The following TGM4 variants were observed in gnomAD, a reference collection of about 807,000 sequenced individuals.
TGM4 encodes protein-glutamine gamma-glutamyltransferase 4.
Under a neutral mutation model 76.3 loss-of-function variants are expected in TGM4, and 61 were observed. The observed-to-expected ratio is 0.80, with a 90% CI of 0.65 to 0.99. The LOEUF is 0.99. TGM4 is among the 50% of genes least tolerant of loss of function. The pLI is 0.00. For synonymous variants in TGM4, 337 were observed against 329.8 expected, an observed-to-expected ratio of 1.02 and a Z score of -0.24; for missense variants, 794 against 843.2, an observed-to-expected ratio of 0.94 and a Z score of 0.72.
chr3:44,911,524 A>G, intron 13 of TGM4, 118 bp downstream of exon 13: 1 of 1,204,352 alleles, frequency 8.3e-7, no homozygotes, highest in Non-Finnish European at 1.1e-6. Context: ...ATGTAGATAC[A>G]TTTTGCTAGT....
intron 2 of TGM4, among the ~76,000 whole-genome samples, chr3:44,886,922 C>T (rs905368137): frequency 2.6e-5 from 4 of 152,332 alleles, no homozygotes; most frequent in South Asian, 2.1e-4. Context: ...CTGACTCTGT[C>T]GGTGCTGACT....
At chr3:44,908,074 G>A (rs1201838911) in intron 10 of TGM4, among the ~76,000 whole-genome samples, 3 of 152,206 alleles carry the variant, frequency 2.0e-5, no homozygotes, top group Non-Finnish European at 4.4e-5. Flanking sequence ...GTTACAAGCA[G>A]GTCAGTTTGG....
chr3:44,892,142 C>A (rs1427412638), intron 4 of TGM4, among the ~76,000 whole-genome samples: 2 of 151,400 alleles, frequency 1.3e-5, no homozygotes, highest in African/African-American at 4.9e-5. Flanking sequence ...CCTGTAATCC[C>A]AGCTACTTGG....
intron 2 of TGM4, among the ~76,000 whole-genome samples, chr3:44,887,005 G>C (rs562647971): frequency 6.6e-6 from 1 of 152,244 alleles, no homozygotes; most frequent in Non-Finnish European, 1.5e-5. Flanking sequence ...GAAGAGCTGA[G>C]AGCAGGGTGT....
intron 1 of TGM4, 126 bp from the exon 2 acceptor site, chr3:44,885,199 C>A: frequency 1.1e-6 from 1 of 928,966 alleles, no homozygotes; most frequent in Non-Finnish European, 1.6e-6. Context: ...GGAGGTGGAG[C>A]AGGGATGCCC....
At chr3:44,878,883 C>T (rs1468799929) in intron 1 of TGM4, among the ~76,000 whole-genome samples, 1 of 152,168 alleles carries the variant, frequency 6.6e-6, no homozygotes, top group Admixed American at 6.5e-5. Flanking sequence ...TTCGCTGCTG[C>T]TCCCCATTCT....
In TGM4 at chr3:44,886,035, T is replaced by C. The variant is rs533650281; in HGVS notation, c.193+537T>C. ...GAGGGTCTTACTTCTTTAATGTTGT[T>C]TTTAAGTTTTAAAAATAGATCAAGT... is the stretch of plus-strand genomic sequence containing the variant. On this transcript the variant is annotated intron_variant, in intron 2 of 13. Transcript: ENST00000296125. Among the ~76,000 whole-genome samples the C allele has an allele frequency of 7.2e-5, 11 of 152,264 alleles. No homozygotes were observed. In the South Asian group the frequency reaches 1.9e-3, roughly 26 times the overall value.
chr3:44,894,431 C>A (rs1575719264), intron 5 of TGM4, among the ~76,000 whole-genome samples: 1 of 124,158 alleles, frequency 8.1e-6, no homozygotes, highest in African/African-American at 3.2e-5. Flanking sequence ...AGTGTATTTA[C>A]CAAAGAACCA....
At chr3:44,902,668 A>G (rs1699871204) in intron 8 of TGM4, among the ~76,000 whole-genome samples, 1 of 152,088 alleles carries the variant, frequency 6.6e-6, no homozygotes, top group South Asian at 2.1e-4. Context: ...TTTTGCCTCT[A>G]CAGGGGAAGG....
At chr3:44,888,107 A>T (rs1699638294) in intron 3 of TGM4, 1 of 305,212 alleles carries the variant, frequency 3.3e-6, no homozygotes, top group African/African-American at 2.1e-5. Context: ...CCACCAACTA[A>T]GTTACCCATC....
chr3:44,891,329 T>A (rs573281142), intron 4 of TGM4, among the ~76,000 whole-genome samples: 2 of 152,026 alleles, frequency 1.3e-5, no homozygotes, highest in African/African-American at 4.8e-5. Flanking sequence ...TCAAAAGCCA[T>A]CAGGTACCCA....
At chr3:44,910,464 T>C in intron 11 of TGM4, 96 bp downstream of exon 11, 4 of 1,431,224 alleles carry the variant, frequency 2.8e-6, no homozygotes, top group Non-Finnish European at 3.8e-6. Flanking sequence ...CATACATTGA[T>C]AAATTTTTGT....
chr3:44,879,172 T>A (rs980888717), intron 1 of TGM4, among the ~76,000 whole-genome samples: 1 of 150,838 alleles, frequency 6.6e-6, no homozygotes, highest in African/African-American at 2.4e-5. Flanking sequence ...AGTGGCTTAT[T>A]CCTTTCTCAT....
At chr3:44,879,297 AT>A (rs1699498620) in intron 1 of TGM4, among the ~76,000 whole-genome samples, 2 of 113,032 alleles carry the variant, frequency 1.8e-5, no homozygotes, top group African/African-American at 6.5e-5. Context: ...AGTTTATTTA[AT>A]TTAATTAATT....
At chr3:44,888,075 T>A (rs1699637690) in intron 3 of TGM4, 2 of 383,430 alleles carry the variant, frequency 5.2e-6, no homozygotes, top group Non-Finnish European at 9.4e-6. Context: ...CGGAGAGAAG[T>A]ACATAAAAAT....
intron 11 of TGM4, 34 bp downstream of exon 11, chr3:44,910,402 G>T (rs1251276103): frequency 1.2e-5 from 19 of 1,601,976 alleles, no homozygotes; most frequent in Non-Finnish European, 1.6e-5. Context: ...GGCCTCAAGT[G>T]GGCTCAGGGT....
Position 44,903,992 on chromosome 3 carries a change from G to A in TGM4, c.1075+5G>A. On this transcript the variant is annotated splice_donor_5th_base_variant and intron_variant, in intron 9 of 13. Transcript: ENST00000296125. ...CGCCGCAGGAGCGAAGCCAGGGTGAGTGGGTGGCAGGAAGGCGCTGGGCAT... is the reference window on the plus strand; with the variant it reads ...CGCCGCAGGAGCGAAGCCAGGGTGAATGGGTGGCAGGAAGGCGCTGGGCAT... 9 of 1,613,278 alleles carry A rather than the reference G, an allele frequency of 5.6e-6. No homozygotes were observed. The highest frequency in any genetic ancestry group is 7.6e-6 in the Non-Finnish European group (9 of 1,179,810).
In TGM4 at chr3:44,896,631, T is replaced by C. The variant is rs536703851; in HGVS notation, c.550-78T>C. ...GTTACGCTACAGGGTGGCTGTGACA[T>C]GCAAATTAGATGGTATGTGTTAAGT... On this transcript the variant is annotated intron_variant, in intron 5 of 13. Transcript: ENST00000296125. 86 of 1,397,420 alleles carry C rather than the reference T, an allele frequency of 6.2e-5. No individual in the cohort carries two copies. In the South Asian group the frequency reaches 9.2e-4, roughly 15 times the overall value. 86.6% of individuals were successfully genotyped at this position (1,397,420 alleles called of 1,614,324 possible). A position where few individuals can be genotyped will look rare whatever the true frequency, so the allele number is the denominator to read the frequency against.
chr3:44,893,309 T>A (rs571720233), intron 4 of TGM4, among the ~76,000 whole-genome samples: 14 of 152,282 alleles, frequency 9.2e-5, no homozygotes, highest in African/African-American at 3.4e-4. Flanking sequence ...TCATGGACTC[T>A]CTCTTTCTTT....
Sources: allele counts gnomAD v4.1 joint callset (sites outside exome capture counted in the v4.1 genomes callset), GRCh38; gene constraint gnomAD v4.1.1; transcripts MANE v1.5; gene names NCBI Gene and HGNC (gene_info 2026-07-23, HGNC 2026-07-21).